Variants in IMMP2L observed in about 807,000 individuals in gnomAD.
IMMP2L encodes the protein mitochondrial inner membrane protease subunit 2.
IMMP2L carries 18 observed loss-of-function variants against 19.3 expected under a neutral mutation model. The ratio of observed to expected loss-of-function variants is 0.93; its 90% confidence interval spans 0.64 to 1.38. The LOEUF is 1.38. Among genes scored for constraint, IMMP2L ranks in the 40% most tolerant of loss-of-function variants. The probability of loss-of-function intolerance (pLI) is 0.00; values close to 1 mark genes in which losing one functional copy is unlikely to be tolerated. For synonymous variants in IMMP2L, 76 were observed against 73.0 expected (o/e 1.04, Z -0.21); for missense variants, 233 against 218.2 (o/e 1.07, Z -0.43).
intron 3 of IMMP2L, chr7:111,091,227 A>G (rs1432626938): frequency 6.6e-6 from 1 of 152,222 alleles, no homozygotes; most frequent in African/African-American, 2.4e-5. Context: ...CTGGATTGAG[A>G]GCCTCAGCCT....
intron 5 of IMMP2L, among the ~76,000 whole-genome samples, chr7:110,676,424 G>A (rs556950737): frequency 2.7e-4 from 41 of 152,372 alleles, no homozygotes; most frequent in African/African-American, 9.6e-4. Flanking sequence ...AGCAACCCCT[G>A]ATCTATACTC....
chr7:110,882,264 C>A (rs1809717530), intron 5 of IMMP2L, among the ~76,000 whole-genome samples: 1 of 151,380 alleles, frequency 6.6e-6, no homozygotes, highest in African/African-American at 2.4e-5. Flanking sequence ...AAAACTCAGT[C>A]CCAATTCCTC....
At chr7:110,844,343 T>C (rs1194748485) in intron 5 of IMMP2L, among the ~76,000 whole-genome samples, 5 of 151,930 alleles carry the variant, frequency 3.3e-5, no homozygotes, top group Admixed American at 3.3e-4. Flanking sequence ...GGAAACTTCA[T>C]AAAAGAGATA....
intron 5 of IMMP2L, among the ~76,000 whole-genome samples, chr7:110,700,721 G>C (rs1301282866): frequency 6.6e-6 from 1 of 152,042 alleles, no homozygotes; most frequent in Non-Finnish European, 1.5e-5. Flanking sequence ...TTTCTTACCT[G>C]GTCATTTCCT....
chr7:110,876,302 T>A (rs2129544381), intron 5 of IMMP2L, among the ~76,000 whole-genome samples: 1 of 151,916 alleles, frequency 6.6e-6, no homozygotes, highest in South Asian at 2.1e-4. Flanking sequence ...CAAAAAAGAG[T>A]AGAAAAGGCT....
intron 3 of IMMP2L, among the ~76,000 whole-genome samples, chr7:111,410,256 G>A (rs1834280948): frequency 6.6e-6 from 1 of 151,616 alleles, no homozygotes; most frequent in South Asian, 2.1e-4. Context: ...CCTTAGTAGT[G>A]AGTCTAAACT....
chr7:111,270,961 C>G (rs1474895638), intron 3 of IMMP2L, among the ~76,000 whole-genome samples: 1 of 152,136 alleles, frequency 6.6e-6, no homozygotes, highest in African/African-American at 2.4e-5. Context: ...CTATTATATA[C>G]TCCATTAACA....
At chr7:111,303,880 G>A (rs763930179) in intron 3 of IMMP2L, among the ~76,000 whole-genome samples, 2 of 151,836 alleles carry the variant, frequency 1.3e-5, no homozygotes, top group Non-Finnish European at 2.9e-5. Context: ...CAGAGTTGAG[G>A]GAACAACTAC....
chr7:111,535,403 C>G (rs1303792315), intron 1 of IMMP2L, among the ~76,000 whole-genome samples: 1 of 151,982 alleles, frequency 6.6e-6, no homozygotes. Flanking sequence ...GTGAGAGTGT[C>G]TAACGAAAGA....
At chr7:111,435,376 T>A (rs1837054043) in intron 3 of IMMP2L, among the ~76,000 whole-genome samples, 1 of 151,884 alleles carries the variant, frequency 6.6e-6, no homozygotes, top group Non-Finnish European at 1.5e-5. Flanking sequence ...ATAATGTCCT[T>A]GGCAGCAACA....
chr7:111,272,308 C>G (rs894224864), intron 3 of IMMP2L, among the ~76,000 whole-genome samples: 1 of 152,150 alleles, frequency 6.6e-6, no homozygotes, highest in Non-Finnish European at 1.5e-5. Flanking sequence ...ACAGTCTCCA[C>G]CTTGCTTTTT....
At chr7:111,316,076 T>C (rs959281923) in intron 3 of IMMP2L, among the ~76,000 whole-genome samples, 2 of 152,108 alleles carry the variant, frequency 1.3e-5, no homozygotes, top group East Asian at 3.9e-4. Context: ...CCATAGGCAA[T>C]TGTAGCACAA....
In IMMP2L at chr7:111,400,579, C is replaced by T. The variant is rs560194809; in HGVS notation, c.239+86659G>A. Among the ~76,000 whole-genome samples the T allele has an allele frequency of 9.4e-4, 143 of 152,186 alleles. 1 individual carries two copies. In the South Asian group the frequency reaches 0.025, roughly 27 times the overall value. Reference sequence around the variant, plus strand: ...TGTTCTCACCTTGTGCTCCTTAAGGCTTTTCTATGGATCAGCCATCTATAT... The same window carrying T: ...TGTTCTCACCTTGTGCTCCTTAAGGTTTTTCTATGGATCAGCCATCTATAT... On this transcript the variant is annotated intron_variant, in intron 3 of 5. Coordinates refer to ENST00000405709, the MANE Select transcript of IMMP2L (RefSeq NM_032549.4).
At chr7:111,203,918 T>A (rs913815138) in intron 3 of IMMP2L, among the ~76,000 whole-genome samples, 1 of 152,156 alleles carries the variant, frequency 6.6e-6, no homozygotes, top group Non-Finnish European at 1.5e-5. Context: ...TGTAAGAATT[T>A]TCTTAGGAAT....
chr7:111,283,024 T>C (rs548068486), intron 3 of IMMP2L, among the ~76,000 whole-genome samples: 6 of 152,098 alleles, frequency 3.9e-5, no homozygotes, highest in African/African-American at 7.2e-5. Flanking sequence ...GAATATACAT[T>C]ATTTTCAAGC....
At chr7:111,051,948 A>C (rs1793045806) in intron 3 of IMMP2L, among the ~76,000 whole-genome samples, 1 of 152,204 alleles carries the variant, frequency 6.6e-6, no homozygotes, top group Admixed American at 6.5e-5. Flanking sequence ...AGGCCTTGAC[A>C]GGAATGGAGG....
chr7:111,322,556 T>C (rs909095404), intron 3 of IMMP2L, among the ~76,000 whole-genome samples: 4 of 150,656 alleles, frequency 2.7e-5, no homozygotes, highest in Non-Finnish European at 5.9e-5. Flanking sequence ...TCCCAAAAAA[T>C]GAAAAAGAAA....
rs113488895 is a variant in IMMP2L at position 111,239,926 on chromosome 7, A to G, written c.239+247312T>C. 3.5e-3 allele frequency among the ~76,000 whole-genome samples: 539 copies of G among 152,106 alleles called. 3 individuals are homozygous for G. The highest frequency in any genetic ancestry group is 0.012 in the African/African-American group (506 of 41,544). On this transcript the variant is annotated intron_variant, in intron 3 of 5. Transcript: ENST00000405709. ...TTTAAAAGTGTTTTAAAGGTGTTCT[A>G]TAATGAAACACTTTTTGTCCTTAAG... is the stretch of plus-strand genomic sequence containing the variant.
At chr7:110,693,924 G>A (rs547312505) in intron 5 of IMMP2L, among the ~76,000 whole-genome samples, 2 of 152,226 alleles carry the variant, frequency 1.3e-5, no homozygotes, top group South Asian at 4.1e-4. Context: ...AGAGACCCTC[G>A]CAAGTGGGAG....
Sources: gnomAD v4.1 joint callset for allele counts (sites outside exome capture counted in the v4.1 genomes callset) on GRCh38, gnomAD v4.1.1 for gene constraint, MANE v1.5 for transcripts, NCBI Gene and HGNC (gene_info 2026-07-23, HGNC 2026-07-21) for gene names.